ZNF710: variants seen among roughly 807,000 people sequenced by gnomAD.
ZNF710 encodes zinc finger protein 710.
ZNF710 carries 13 observed loss-of-function variants against 50.6 expected under a neutral mutation model. The ratio of observed to expected loss-of-function variants is 0.26; its 90% CI spans 0.17 to 0.41. The LOEUF (loss-of-function observed/expected upper bound fraction) is 0.41, where lower values mean the gene tolerates loss of function less well. Among genes scored for constraint, ZNF710 ranks in the 10% least tolerant of loss-of-function variants. ZNF710 has a pLI of 1.00. For missense variants in ZNF710, 721 were observed against 936.6 expected (o/e 0.77, Z 3.01); for synonymous variants, 383 against 397.0 (o/e 0.96, Z 0.42).
chr15:90,001,261 G>C (rs1898003216), upstream of ZNF710: 1 of 152,242 alleles, frequency 6.6e-6, no homozygotes, highest in Non-Finnish European at 1.5e-5. Flanking sequence ...GGGAGGTGTT[G>C]GGGGTGGAAG....
chr15:90,003,110 G>C (rs1204377816), intron 1 of ZNF710, among the ~76,000 whole-genome samples: 2 of 152,140 alleles, frequency 1.3e-5, no homozygotes, highest in Non-Finnish European at 2.9e-5. Flanking sequence ...TCCTGACCTC[G>C]TGATCCGCCC....
chr15:90,019,061 A>G (rs1898534841), intron 1 of ZNF710, among the ~76,000 whole-genome samples: 2 of 151,690 alleles, frequency 1.3e-5, no homozygotes, highest in South Asian at 4.2e-4. Flanking sequence ...GACTATAAGT[A>G]GGCAAAAAAG....
chr15:90,030,814 A>G (rs1596276128), intron 1 of ZNF710, among the ~76,000 whole-genome samples: 1 of 152,096 alleles, frequency 6.6e-6, no homozygotes, highest in East Asian at 1.9e-4. Context: ...CAGGAGATCA[A>G]GACCATCCTG....
chr15:90,019,293 T>A (rs1393900003), intron 1 of ZNF710, among the ~76,000 whole-genome samples: 2 of 151,980 alleles, frequency 1.3e-5, no homozygotes, highest in Admixed American at 6.6e-5. Context: ...GTATAGTTCT[T>A]TTGAACAGAT....
At chr15:90,074,501 C>T (rs760081048) in intron 4 of ZNF710, 27 of 1,513,098 alleles carry the variant, frequency 1.8e-5, no homozygotes, top group East Asian at 2.6e-5. Context: ...AATGAGATCA[C>T]GTAAACAATA....
At chr15:90,027,974 C>A (rs1360232340) in intron 1 of ZNF710, among the ~76,000 whole-genome samples, 1 of 152,104 alleles carries the variant, frequency 6.6e-6, no homozygotes, top group African/African-American at 2.4e-5. Flanking sequence ...GTCAGTTCTG[C>A]GTAACAGATA....
chr15:90,048,838 A>G (rs1472081687), intron 1 of ZNF710, among the ~76,000 whole-genome samples: 1 of 151,970 alleles, frequency 6.6e-6, no homozygotes, highest in African/African-American at 2.4e-5. Flanking sequence ...GGCCCAAGGG[A>G]CCCTCACAGC....
At chr15:90,060,969 C>T (rs554531173) in intron 1 of ZNF710, among the ~76,000 whole-genome samples, 1 of 152,312 alleles carries the variant, frequency 6.6e-6, no homozygotes, top group Admixed American at 6.5e-5. Context: ...GGCAAGCCTG[C>T]CTTCCAGGAT....
Position 90,073,235 on chromosome 15 carries a change from C to T in ZNF710, c.1623C>T (p.His541=), listed in dbSNP as rs1900455444. 4 of 1,614,068 alleles carry T rather than the reference C, an allele frequency of 2.5e-6. No individual in the cohort carries two copies. The highest frequency in any genetic ancestry group is 1.7e-5 in the Admixed American group (1 of 60,028). ...CTCTCAAGACCCACATGATTGTACA[C>T]TCGCCCGTGAAGCCATTCAAATGCA... ...KQTLKTHMIV[H]SPVKPFKCKV... The change falls in exon 3 of 5, where the codon CAC becomes CAT. Residue 541 remains histidine, a synonymous_variant. Coordinates refer to ENST00000268154, the MANE Select transcript of ZNF710 (RefSeq NM_198526.4).
intron 1 of ZNF710, chr15:90,002,362 G>T (rs916034034): frequency 4.7e-5 from 7 of 148,526 alleles, no homozygotes; most frequent in Admixed American, 3.3e-4. Context: ...ACCCAGGACC[G>T]GCGCTCGCTG....
chr15:90,060,416 T>C (rs1306982789), intron 1 of ZNF710, among the ~76,000 whole-genome samples: 1 of 151,914 alleles, frequency 6.6e-6, no homozygotes, highest in Non-Finnish European at 1.5e-5. Flanking sequence ...TAGACAGGTG[T>C]GGTGGCACAT....
chr15:90,056,307 A>G (rs1899815757), intron 1 of ZNF710, among the ~76,000 whole-genome samples: 2 of 150,728 alleles, frequency 1.3e-5, no homozygotes, highest in Non-Finnish European at 3.0e-5. Context: ...CCAGCTACTC[A>G]GGAGGCTGAG....
At chr15:90,011,245 T>G (rs1377737274) in intron 1 of ZNF710, among the ~76,000 whole-genome samples, 1 of 151,942 alleles carries the variant, frequency 6.6e-6, no homozygotes, top group Non-Finnish European at 1.5e-5. Context: ...TCCTGAGTAG[T>G]TGGGACTACA....
intron 1 of ZNF710, among the ~76,000 whole-genome samples, chr15:90,048,513 G>A (rs80302869): frequency 0.014 from 2,118 of 152,284 alleles, 32 homozygotes; most frequent in Non-Finnish European, 0.02. Context: ...GGGCGTTTTG[G>A]TTTCAGGGGT....
intron 1 of ZNF710, among the ~76,000 whole-genome samples, chr15:90,006,390 T>C (rs1898142133): frequency 6.6e-6 from 1 of 152,200 alleles, no homozygotes; most frequent in African/African-American, 2.4e-5. Flanking sequence ...ACCTGCCTGC[T>C]CCAGGATGCT....
intron 1 of ZNF710, among the ~76,000 whole-genome samples, chr15:90,032,200 A>G (rs951822792): frequency 3.3e-5 from 5 of 151,804 alleles, no homozygotes; most frequent in Non-Finnish European, 7.4e-5. Context: ...GTTTTGCCAT[A>G]TTGGCCAGGC....
At chr15:90,004,315 T>G (rs186051351) in intron 1 of ZNF710, among the ~76,000 whole-genome samples, 18 of 152,298 alleles carry the variant, frequency 1.2e-4, no homozygotes, top group African/African-American at 3.8e-4. Flanking sequence ...GAAGCACAAC[T>G]TCTTTCTAGA....
chr15:90,000,879 C>G (rs759981159), upstream of ZNF710, among the ~76,000 whole-genome samples: 1 of 151,850 alleles, frequency 6.6e-6, no homozygotes, highest in Non-Finnish European at 1.5e-5. Context: ...GGGCGCAGGG[C>G]CCCCGGGCCC....
chr15:90,032,472 T>A (rs1308941637), intron 1 of ZNF710, among the ~76,000 whole-genome samples: 1 of 152,056 alleles, frequency 6.6e-6, no homozygotes, highest in Non-Finnish European at 1.5e-5. Flanking sequence ...CCCCAAAAAG[T>A]AACAATTAAG....
Sources: allele counts gnomAD v4.1 joint callset (sites outside exome capture counted in the v4.1 genomes callset), GRCh38; gene constraint gnomAD v4.1.1; transcripts MANE v1.5; gene names NCBI Gene and HGNC (gene_info 2026-07-23, HGNC 2026-07-21).